Variants in TNS1 observed in about 807,000 individuals in gnomAD.
The protein encoded by TNS1 is tensin-1.
Under a neutral mutation model 168.6 loss-of-function variants are expected in TNS1, and 62 were observed. The ratio of observed to expected loss-of-function variants is 0.37; its 90% CI spans 0.30 to 0.45. The LOEUF (loss-of-function observed/expected upper bound fraction) is 0.45, where lower values mean the gene tolerates loss of function less well. Among genes scored for constraint, TNS1 ranks in the 20% least tolerant of loss-of-function variants. The pLI is 1.00. For synonymous variants in TNS1, 934 were observed against 933.2 expected (o/e 1.00, Z -0.02); for missense variants, 2,240 against 2,339.4 (o/e 0.96, Z 0.88).
rs115516729 is a variant in TNS1, at chr2:217,970,952, G to T, written c.186+7813C>A. The stretch of plus-strand genomic sequence containing the variant: ...AAGAAAGCCCTCAACCCCAGGAAGC[G>T]CTATTAAATACATGGGATTGTGCTA... On this transcript the variant is annotated intron_variant, in intron 3 of 32. Coordinates refer to ENST00000682258, the MANE Select transcript of TNS1 (RefSeq NM_001387777.1). 9.5e-3 allele frequency among the ~76,000 whole-genome samples: 1,438 copies of T among 151,892 alleles called. 20 individuals are homozygous for T. The highest frequency in any genetic ancestry group is 0.033 in the African/African-American group (1,359 of 41,436).
intron 18 of TNS1, among the ~76,000 whole-genome samples, chr2:217,874,223 G>A (rs908753046): frequency 2.0e-5 from 3 of 152,138 alleles, no homozygotes; most frequent in African/African-American, 7.2e-5. Flanking sequence ...AGACTTAAAG[G>A]GCAGTAGTAT....
chr2:218,028,749 C>G (rs1272747073), intron 1 of TNS1, among the ~76,000 whole-genome samples: 2 of 152,152 alleles, frequency 1.3e-5, no homozygotes, highest in Non-Finnish European at 2.9e-5. Flanking sequence ...GAAGGGCTGG[C>G]CAAAAGCACC....
upstream of TNS1, among the ~76,000 whole-genome samples, chr2:218,007,598 C>T (rs556126556): frequency 6.8e-6 from 1 of 147,468 alleles, no homozygotes; most frequent in African/African-American, 2.5e-5. Flanking sequence ...TCTTGCTTGG[C>T]AGGAGAGAGT....
intron 29 of TNS1, 105 bp from the exon 30 acceptor site, chr2:217,810,096 G>A: frequency 6.7e-7 from 1 of 1,482,938 alleles, no homozygotes; most frequent in Non-Finnish European, 9.2e-7. Flanking sequence ...TTTCAGGCTA[G>A]CCTTGAGCCA....
chr2:217,934,034 CAA>C (rs1303763247), intron 3 of TNS1, among the ~76,000 whole-genome samples: 2 of 152,218 alleles, frequency 1.3e-5, no homozygotes, highest in Non-Finnish European at 2.9e-5. Flanking sequence ...ATCCTTCCAA[CAA>C]GAGATTCAAC....
rs763860864 is a variant in TNS1 at position 217,818,553 on chromosome 2, G to A, written c.3779C>T (p.Ser1260Phe). ...AGCTCGAGCCTGGCTTTCCGGAGAG[G>A]AGCTGAAATGCTGAAGTGAGTAGTC... ...SPDYSLQHFS[S>F]SPESQARAQF... The change falls in exon 24 of 33, where the codon TCC (serine) becomes TTC (phenylalanine). Residue 1260 changes from serine (S) to phenylalanine (F), a missense_variant. By Grantham distance (155) the Ser-to-Phe change is radical. Around this residue, in one of 2 missense-constraint regions of TNS1, gnomAD observed 2,131 missense variants for 2,171.2 expected, o/e 0.98. Transcript: ENST00000682258. The A allele has an allele frequency of 7.4e-6, 12 of 1,614,078 alleles. No homozygotes were observed. In the Admixed American group the frequency reaches 8.3e-5, roughly 11 times the overall value.
At position 217,848,451 on chromosome 2, in the gene TNS1, G is replaced by C; in HGVS notation, c.2066C>G (p.Ala689Gly). Residue 689 changes from alanine to glycine, a missense_variant, in exon 19 of 33, where the codon GCC becomes GGC. Physicochemically the swap from Ala to Gly is moderately conservative, Grantham distance 60. Around this residue, in one of 2 missense-constraint regions of TNS1, gnomAD observed 2,131 missense variants for 2,171.2 expected, o/e 0.98. Transcript: ENST00000682258. ...VNGGGYPYESASRAGPAHAGH... is the reference protein window; with the variant it reads ...VNGGGYPYESGSRAGPAHAGH... The stretch of plus-strand genomic sequence containing the variant: ...AGCATGGGCAGGCCCCGCCCGGCTG[G>C]CAGACTCGTAGGGGTAGCCTCCTCC... 6 of 1,612,252 alleles carry C rather than the reference G, an allele frequency of 3.7e-6. No individual in the cohort carries two copies. The highest frequency in any genetic ancestry group is 5.1e-6 in the Non-Finnish European group (6 of 1,178,802).
At chr2:217,928,652 T>C (rs1956159663) in intron 3 of TNS1, among the ~76,000 whole-genome samples, 1 of 151,020 alleles carries the variant, frequency 6.6e-6, no homozygotes, top group Admixed American at 6.6e-5. Flanking sequence ...CACAGGGGAG[T>C]CCCAGAGGGC....
chr2:217,999,203 G>A (rs1343549585), intron 1 of TNS1, among the ~76,000 whole-genome samples: 1 of 152,206 alleles, frequency 6.6e-6, no homozygotes, highest in Non-Finnish European at 1.5e-5. Context: ...GGAGAAGCCT[G>A]GCAGAGGATG....
intron 9 of TNS1, among the ~76,000 whole-genome samples, chr2:217,893,858 T>TA (rs1014147846): frequency 1.3e-5 from 2 of 152,080 alleles, no homozygotes; most frequent in Admixed American, 6.5e-5. Context: ...ATATGTGTGT[T>TA]AAAAAAACAA....
chr2:217,927,033 T>C (rs1269040354), intron 3 of TNS1, among the ~76,000 whole-genome samples: 3 of 152,154 alleles, frequency 2.0e-5, no homozygotes, highest in Non-Finnish European at 4.4e-5. Flanking sequence ...GAGGATGCAT[T>C]GCTTCTGTTT....
intron 19 of TNS1, among the ~76,000 whole-genome samples, chr2:217,839,065 CAT>C (rs200245788): frequency 0.014 from 1,967 of 143,034 alleles, 38 homozygotes; most frequent in African/African-American, 0.051. Context: ...CTTGCATGTA[CAT>C]ACACACACAC....
chr2:217,973,251 C>A (rs1172037479), intron 3 of TNS1, among the ~76,000 whole-genome samples: 1 of 151,276 alleles, frequency 6.6e-6, no homozygotes, highest in South Asian at 2.1e-4. Flanking sequence ...AGCTCGGACT[C>A]GGAAGGCTGA....
chr2:217,951,970 C>T (rs111631558), intron 3 of TNS1, among the ~76,000 whole-genome samples: 14 of 152,360 alleles, frequency 9.2e-5, no homozygotes, highest in African/African-American at 3.1e-4. Flanking sequence ...TCTAAGTGCC[C>T]GCAGTGGCCC....
intron 22 of TNS1, among the ~76,000 whole-genome samples, chr2:217,822,742 G>A (rs192817569): frequency 4.5e-4 from 68 of 152,298 alleles, no homozygotes; most frequent in Admixed American, 4.1e-3. Context: ...GATGGATGCT[G>A]AGGCCCGACA....
At chr2:217,831,649 G>T in intron 21 of TNS1, 102 bp from the exon 22 acceptor site, 2 of 955,618 alleles carry the variant, frequency 2.1e-6, no homozygotes. Context: ...TGGGGGGCTG[G>T]AGACGGTGCC....
Position 217,989,597 on chromosome 2 carries a change from A to G in TNS1, c.148+1345T>C, listed in dbSNP as rs549838446. Reference sequence around the variant, plus strand: ...CTGTGTGATCTGGGACAAGACACCAACTTTTCAGGCAATAATGACAGCCAA... The same window carrying G: ...CTGTGTGATCTGGGACAAGACACCAGCTTTTCAGGCAATAATGACAGCCAA... On this transcript the variant is annotated intron_variant, in intron 2 of 32. Transcript: ENST00000682258. 3.9e-5 allele frequency among the ~76,000 whole-genome samples: 6 copies of G among 152,224 alleles called. No homozygotes were observed. The East Asian group carries it at 1.2e-3, about 29-fold the overall frequency.
At chr2:217,889,397 C>A (rs1035184431) in intron 12 of TNS1, among the ~76,000 whole-genome samples, 1 of 152,238 alleles carries the variant, frequency 6.6e-6, no homozygotes, top group Admixed American at 6.5e-5. Context: ...GGCTGGAGAG[C>A]TCCAGGACTC....
intron 3 of TNS1, among the ~76,000 whole-genome samples, chr2:217,925,898 T>C (rs999341235): frequency 6.6e-6 from 1 of 152,220 alleles, no homozygotes; most frequent in Admixed American, 6.5e-5. Context: ...ATATTTGCCC[T>C]TTGATACCTG....
Sources: gnomAD v4.1 joint callset for allele counts (sites outside exome capture counted in the v4.1 genomes callset) on GRCh38, gnomAD v4.1.1 for gene constraint, gnomAD v4.1.1 regional missense constraint, MANE v1.5 for transcripts, NCBI Gene and HGNC (gene_info 2026-07-23, HGNC 2026-07-21) for gene names.